Variants in PRSS38 observed in about 807,000 individuals in gnomAD.
PRSS38 encodes serine protease 38.
PRSS38 carries 22 observed loss-of-function variants against 26.8 expected under a neutral mutation model. That is an observed-to-expected ratio of 0.82 (90% CI 0.59 to 1.17). The LOEUF is 1.17. Among genes scored for constraint, PRSS38 ranks in the 50% most tolerant of loss-of-function variants. PRSS38 has a pLI of 0.00. For synonymous variants in PRSS38, 175 were observed against 172.1 expected (o/e 1.02, Z -0.13); for missense variants, 427 against 422.7 (o/e 1.01, Z -0.09).
chr1:227,815,944 A>G (rs1341634377), intron 1 of PRSS38, 80 bp downstream of exon 1: 1 of 1,517,504 alleles, frequency 6.6e-7, no homozygotes, highest in African/African-American at 1.4e-5. Flanking sequence ...CTCCTCCCCC[A>G]TGTCGCCTGC....
chr1:227,827,386 A>C (rs1216352006), intron 3 of PRSS38, among the ~76,000 whole-genome samples: 7 of 151,926 alleles, frequency 4.6e-5, no homozygotes, highest in African/African-American at 1.7e-4. Context: ...TCAGGGTTTC[A>C]ATTTCTTCTT....
chr1:227,844,278 T>C (rs1317618544), intron 3 of PRSS38, among the ~76,000 whole-genome samples: 1 of 151,198 alleles, frequency 6.6e-6, no homozygotes, highest in Non-Finnish European at 1.5e-5. Flanking sequence ...GGTCGGGACT[T>C]CATTCATGGG....
intron 3 of PRSS38, 49 bp from the exon 4 acceptor site, chr1:227,845,421 C>T (rs1229264868): frequency 6.9e-7 from 1 of 1,452,410 alleles, no homozygotes; most frequent in Non-Finnish European, 9.5e-7. Flanking sequence ...GATCCCCCCA[C>T]CCCACACGAA....
chr1:227,823,698 T>A (rs1665033282), intron 3 of PRSS38, among the ~76,000 whole-genome samples: 1 of 152,208 alleles, frequency 6.6e-6, no homozygotes, highest in Admixed American at 6.5e-5. Flanking sequence ...TCATATGACA[T>A]GCCTGCTTCC....
intron 3 of PRSS38, among the ~76,000 whole-genome samples, chr1:227,820,108 A>T (rs1664981695): frequency 1.3e-5 from 2 of 150,800 alleles, no homozygotes; most frequent in African/African-American, 4.8e-5. Flanking sequence ...AAAAAAAAAA[A>T]AAAAAGCAAC....
intron 3 of PRSS38, among the ~76,000 whole-genome samples, chr1:227,821,081 A>T (rs1194274691): frequency 6.6e-6 from 1 of 152,146 alleles, no homozygotes; most frequent in Non-Finnish European, 1.5e-5. Context: ...GGAATTAAAA[A>T]CCAAATAAAA....
chr1:227,833,795 A>G (rs1482025920), intron 3 of PRSS38, among the ~76,000 whole-genome samples: 2 of 152,216 alleles, frequency 1.3e-5, no homozygotes, highest in African/African-American at 2.4e-5. Flanking sequence ...CCATATACAA[A>G]ATTTACCACG....
At chr1:227,824,232 C>T (rs1039889807) in intron 3 of PRSS38, among the ~76,000 whole-genome samples, 1 of 152,236 alleles carries the variant, frequency 6.6e-6, no homozygotes, top group East Asian at 1.9e-4. Context: ...TCTATCCCCC[C>T]AAACAGGCCC....
chr1:227,837,941 A>G (rs1449954127), intron 3 of PRSS38, among the ~76,000 whole-genome samples: 1 of 151,758 alleles, frequency 6.6e-6, no homozygotes, highest in African/African-American at 2.4e-5. Flanking sequence ...TCTTTTTTAG[A>G]GATGGGGTCT....
exon 3 of PRSS38, chr1:227,817,401 G>A (rs758662053): frequency 4.3e-6 from 7 of 1,614,142 alleles, no homozygotes; most frequent in South Asian, 1.1e-5. Flanking sequence ...CCGTGCTCCC[G>A]GTTTGCCTTG....
intron 3 of PRSS38, among the ~76,000 whole-genome samples, chr1:227,831,667 A>T (rs1407507699): frequency 6.6e-6 from 1 of 152,208 alleles, no homozygotes; most frequent in Non-Finnish European, 1.5e-5. Context: ...CCTGGCTAAC[A>T]TGGTGAAACC....
chr1:227,824,249 G>A (rs1665040988), intron 3 of PRSS38, among the ~76,000 whole-genome samples: 1 of 152,084 alleles, frequency 6.6e-6, no homozygotes, highest in South Asian at 2.1e-4. Flanking sequence ...GCCCCAGTGT[G>A]TGTTGTTTCC....
rs141742294 is a variant in PRSS38 at position 227,843,220 on chromosome 1, C to T, written c.584-2250C>T. ...GCTGCAGGCCGCAAGACTTGGTTTA[C>T]GATGCTCCAGTCAAGGCCAGAAAAC... On this transcript the variant is annotated intron_variant, in intron 3 of 4. Transcript: ENST00000366757. Among the ~76,000 whole-genome samples the T allele has an allele frequency of 9.8e-4, 150 of 152,318 alleles. 2 individuals carry two copies. Among genetic ancestry groups the T allele is most frequent in the African/African-American group, 3.3e-3 (139 of 41,570 alleles).
chr1:227,818,069 A>C (rs563220142), intron 3 of PRSS38, among the ~76,000 whole-genome samples: 66 of 152,028 alleles, frequency 4.3e-4, no homozygotes. Flanking sequence ...CTATTTTATC[A>C]CTCTCTTCCC....
At chr1:227,833,334 C>G (rs545773627) in intron 3 of PRSS38, among the ~76,000 whole-genome samples, 2 of 152,270 alleles carry the variant, frequency 1.3e-5, no homozygotes, top group East Asian at 3.9e-4. Flanking sequence ...TTGAAACCAG[C>G]CTGGCCAACA....
chr1:227,837,526 T>C (rs1219607613), intron 3 of PRSS38, among the ~76,000 whole-genome samples: 1 of 151,728 alleles, frequency 6.6e-6, no homozygotes, highest in Admixed American at 6.5e-5. Context: ...CCATCAGTGT[T>C]TAGGTCATGT....
chr1:227,823,640 G>C (rs984191749), intron 3 of PRSS38, among the ~76,000 whole-genome samples: 6 of 152,098 alleles, frequency 3.9e-5, no homozygotes, highest in African/African-American at 1.4e-4. Context: ...TTGTGCAAAA[G>C]CTGGACTAAT....
chr1:227,842,204 C>T (rs1450122915), intron 3 of PRSS38, among the ~76,000 whole-genome samples: 2 of 152,180 alleles, frequency 1.3e-5, no homozygotes, highest in African/African-American at 4.8e-5. Flanking sequence ...AGCAGCAGGG[C>T]AGGCGAATAG....
chr1:227,837,622 CTGTTGGCTGTGGTGTAGGGATAAATT>C (rs1665257261), intron 3 of PRSS38, among the ~76,000 whole-genome samples: 1 of 152,210 alleles, frequency 6.6e-6, no homozygotes, highest in African/African-American at 2.4e-5. Flanking sequence ...TTGGTAGAAT[CTGTTGGCTGTGGTGTAGGGATAAATT>C]CAACTTTATT....
Sources: allele counts gnomAD v4.1 joint callset (sites outside exome capture counted in the v4.1 genomes callset), GRCh38; gene constraint gnomAD v4.1.1; transcripts MANE v1.5; gene names NCBI Gene and HGNC (gene_info 2026-07-23, HGNC 2026-07-21).